Variants in WNK3 observed in about 807,000 individuals in gnomAD.
WNK3 encodes WNK lysine deficient protein kinase 3.
WNK3 carries 18 observed loss-of-function variants against 116.7 expected under a neutral mutation model. The ratio of observed to expected loss-of-function variants is 0.15; its 90% CI spans 0.11 to 0.23. The LOEUF (loss-of-function observed/expected upper bound fraction) is 0.23. WNK3 is among the 10% of genes least tolerant of loss of function. The pLI is 1.00. For missense variants in WNK3, 993 were observed against 1,323.8 expected (o/e 0.75, Z 3.88); for synonymous variants, 404 against 469.4 (o/e 0.86, Z 1.80).
At chrX:54,321,190 C>T (rs781969868) in intron 2 of WNK3, among the ~76,000 whole-genome samples, 126 of 112,083 alleles carry the variant, frequency 1.1e-3, no homozygotes, top group African/African-American at 4.1e-3. Context: ...AGCTACCGCC[C>T]CCAGCCAATG....
chrX:54,240,155 T>A (rs1161613159), intron 17 of WNK3, among the ~76,000 whole-genome samples: 2 of 110,114 alleles, frequency 1.8e-5, no homozygotes, highest in Non-Finnish European at 3.8e-5. Flanking sequence ...AAATACAAAA[T>A]CAGCCTGTCG....
At chrX:54,305,977 C>T (rs2068819397) in intron 5 of WNK3, among the ~76,000 whole-genome samples, 1 of 110,643 alleles carries the variant, frequency 9.0e-6, no homozygotes, top group South Asian at 3.9e-4. Context: ...ATCACCTGAA[C>T]CTGGGAGGTG....
At chrX:54,247,046 T>G (rs2068080127) in intron 17 of WNK3, among the ~76,000 whole-genome samples, 1 of 111,830 alleles carries the variant, frequency 8.9e-6, no homozygotes, top group Non-Finnish European at 1.9e-5. Context: ...AAAGACATTT[T>G]TGGACATGCA....
intron 22 of WNK3, among the ~76,000 whole-genome samples, chrX:54,214,344 G>C (rs953759444): frequency 9.0e-6 from 1 of 111,065 alleles, no homozygotes; most frequent in African/African-American, 3.3e-5. Context: ...TGGTTTCATT[G>C]GAAAAATTTC....
At chrX:54,259,020 C>T (rs1222415658) in intron 11 of WNK3, among the ~76,000 whole-genome samples, 1 of 108,420 alleles carries the variant, frequency 9.2e-6, no homozygotes, top group Non-Finnish European at 1.9e-5. Flanking sequence ...TTCCTTAACC[C>T]TTACCAGCTT....
At chrX:54,312,146 C>T (rs1463298840) in intron 2 of WNK3, among the ~76,000 whole-genome samples, 5 of 109,256 alleles carry the variant, frequency 4.6e-5, no homozygotes, top group South Asian at 4.0e-4. Flanking sequence ...GTGAGACCCC[C>T]GTCTCTACAA....
intron 17 of WNK3, among the ~76,000 whole-genome samples, chrX:54,242,817 T>C (rs782049941): frequency 9.0e-6 from 1 of 111,376 alleles, no homozygotes; most frequent in Admixed American, 9.5e-5. Flanking sequence ...AACAAAGCAA[T>C]ACAAGGAAAA....
intron 1 of WNK3, among the ~76,000 whole-genome samples, chrX:54,351,348 T>C (rs1245560376): frequency 9.1e-6 from 1 of 110,094 alleles, no homozygotes; most frequent in Non-Finnish European, 1.9e-5. Context: ...TTGGCAACCA[T>C]GGAACCAACT....
chrX:54,333,206 T>C, exon 2 of WNK3: 3 of 1,210,010 alleles, frequency 2.5e-6, no homozygotes, highest in Non-Finnish European at 3.4e-6. Context: ...TTTTAAATGC[T>C]CCTCTTCCTA....
chrX:54,267,479 C>T (rs1372991199), intron 10 of WNK3, among the ~76,000 whole-genome samples: 1 of 109,954 alleles, frequency 9.1e-6, no homozygotes, highest in East Asian at 3.0e-4. Context: ...TGAGAGAAAG[C>T]AAAGAATAAA....
chrX:54,222,599 G>A (rs1313528563), intron 22 of WNK3, among the ~76,000 whole-genome samples: 2 of 105,412 alleles, frequency 1.9e-5, no homozygotes, highest in African/African-American at 3.5e-5. Flanking sequence ...ATAATAGGCC[G>A]GGCATGGTGG....
At chrX:54,219,669 CAAAAAAAAAAAAAA>C (rs34431672) in intron 22 of WNK3, among the ~76,000 whole-genome samples, 1,064 of 15,325 alleles carry the variant, frequency 0.069, 40 homozygotes, top group African/African-American at 0.18. Context: ...CTCCATCTCC[CAAAAAAAAAAAAAA>C]AAAAAAAAAA....
At chrX:54,227,719 C>A (rs1204794578) in intron 22 of WNK3, among the ~76,000 whole-genome samples, 1 of 111,804 alleles carries the variant, frequency 8.9e-6, no homozygotes, top group East Asian at 2.8e-4. Context: ...TGTGGCATAT[C>A]CATACAATGG....
intron 22 of WNK3, 101 bp downstream of exon 22, chrX:54,228,613 T>A (rs1408252958): frequency 6.5e-5 from 25 of 383,840 alleles, no homozygotes; most frequent in Non-Finnish European, 1.0e-4. Context: ...GTCTGTAAAT[T>A]GTATAAGTTA....
chrX:54,342,019 G>A (rs1221617790), intron 1 of WNK3, among the ~76,000 whole-genome samples: 1 of 111,875 alleles, frequency 8.9e-6, no homozygotes, highest in Non-Finnish European at 1.9e-5. Context: ...TTTGGGGCGG[G>A]AGTTGCTGAG....
upstream of WNK3, among the ~76,000 whole-genome samples, chrX:54,358,867 T>C (rs2069637946): frequency 8.9e-6 from 1 of 112,708 alleles, no homozygotes; most frequent in African/African-American, 3.2e-5. Context: ...GGAGGGGGAT[T>C]TCCGACGCCA....
At chrX:54,225,653 A>T (rs2067827401) in intron 22 of WNK3, among the ~76,000 whole-genome samples, 1 of 109,842 alleles carries the variant, frequency 9.1e-6, no homozygotes, top group Non-Finnish European at 1.9e-5. Context: ...AAAGAAATTT[A>T]AAGACAATCT....
At chrX:54,199,211 G>A (rs1168742619) in intron 23 of WNK3, among the ~76,000 whole-genome samples, 1 of 110,416 alleles carries the variant, frequency 9.1e-6, no homozygotes, top group Non-Finnish European at 1.9e-5. Flanking sequence ...TCCGCATCTC[G>A]GTGATTGGTA....
chrX:54,238,426 A>G, exon 19 of WNK3: 1 of 1,211,289 alleles, frequency 8.3e-7, no homozygotes, highest in South Asian at 1.8e-5. Flanking sequence ...CCCGTGTCAG[A>G]GGAATGGGAT....
Sources: allele counts gnomAD v4.1 joint callset (sites outside exome capture counted in the v4.1 genomes callset), GRCh38; gene constraint gnomAD v4.1.1; transcripts MANE v1.5; gene names NCBI Gene and HGNC (gene_info 2026-07-23, HGNC 2026-07-21).